The following IKZF4 variants were observed in gnomAD, a reference collection of about 807,000 sequenced individuals.
IKZF4 encodes the protein IKAROS family zinc finger 4, also known as zinc finger protein Eos.
IKZF4 carries 11 observed loss-of-function variants against 47.7 expected under a neutral mutation model. That is an observed-to-expected ratio of 0.23 (90% CI 0.15 to 0.38). The LOEUF is 0.38. Among genes scored for constraint, IKZF4 ranks in the 10% least tolerant of loss-of-function variants. The probability of loss-of-function intolerance (pLI) is 1.00; values close to 1 mark genes in which losing one functional copy is unlikely to be tolerated. For missense variants in IKZF4, 557 were observed against 784.9 expected (o/e 0.71, Z 3.47); for synonymous variants, 298 against 299.4 (o/e 1.00, Z 0.05).
At chr12:56,031,675 T>G (rs751003457) in intron 5 of IKZF4, among the ~76,000 whole-genome samples, 47 of 152,330 alleles carry the variant, frequency 3.1e-4, no homozygotes, top group Non-Finnish European at 5.6e-4. Context: ...TACAATACGT[T>G]GTTTCTCTCC....
At chr12:56,019,250 T>C, upstream of IKZF4, 2 of 393,158 alleles carry the variant, frequency 5.1e-6, no homozygotes, top group Non-Finnish European at 3.5e-6. Flanking sequence ...TTTGATGTGA[T>C]GAGTATCCCT....
intron 5 of IKZF4, among the ~76,000 whole-genome samples, chr12:56,031,643 T>C (rs1894934097): frequency 6.6e-6 from 1 of 152,228 alleles, no homozygotes; most frequent in South Asian, 2.1e-4. Flanking sequence ...CCCTGCTCAA[T>C]AGCAGCAAGA....
At chr12:56,034,050 C>T (rs1417058264) in intron 7 of IKZF4, among the ~76,000 whole-genome samples, 2 of 152,084 alleles carry the variant, frequency 1.3e-5, no homozygotes, top group Non-Finnish European at 2.9e-5. Context: ...CAGACGCCTG[C>T]CACCATGCCC....
Position 56,036,071 on chromosome 12 carries a change from G to A in IKZF4, c.*740G>A, listed in dbSNP as rs1393583025. On this transcript the variant is annotated 3_prime_UTR_variant, in exon 8 of 8. Coordinates refer to ENST00000547167, the MANE Select transcript of IKZF4 (RefSeq NM_022465.4). ...TATGAGTTCTCAAAGCCTACATTCAGGATCTCCCTCTAGGATGTGATAGAT... is the reference window on the plus strand; with the variant it reads ...TATGAGTTCTCAAAGCCTACATTCAAGATCTCCCTCTAGGATGTGATAGAT... The A allele has an allele frequency of 5.2e-5, 8 of 152,514 alleles. No individual in the cohort carries two copies. The Admixed American group carries it at 5.2e-4, about 10-fold the overall frequency. 9.4% of individuals were successfully genotyped at this position (152,514 alleles called of 1,614,324 possible).
chr12:56,027,220 G>A (rs1434723123), intron 4 of IKZF4, among the ~76,000 whole-genome samples, 179 bp downstream of exon 4: 1 of 151,588 alleles, frequency 6.6e-6, no homozygotes, highest in Non-Finnish European at 1.5e-5. Context: ...CAGGGTGGGG[G>A]TGGGTACAGA....
In IKZF4 at chr12:56,023,762, AAAGT is replaced by A; in HGVS notation, c.181+4_181+7del. The stretch of plus-strand genomic sequence containing the variant: ...TTTATAATGGAATCTTTATTTTGTG[AAAGT>A]AAGTATGTGCATAGCTGGGCAATTG... On this transcript the variant is annotated splice_donor_variant and coding_sequence_variant, in exon 2 of 8. Transcript: ENST00000547167. LOFTEE classifies it high-confidence loss of function. 6.2e-7 allele frequency: 1 copy of A among 1,613,514 alleles called. No individual in the cohort carries two copies. Among genetic ancestry groups the A allele is most frequent in the South Asian group, 1.1e-5 (1 of 91,028 alleles).
At chr12:56,023,985 T>C (rs1486258762) in intron 2 of IKZF4, 1 of 821,926 alleles carries the variant, frequency 1.2e-6, no homozygotes, top group African/African-American at 1.9e-5. Flanking sequence ...TTTATATGTA[T>C]CTACATATGT....
At chr12:56,019,801 C>T (rs1296943756), upstream of IKZF4, among the ~76,000 whole-genome samples, 1 of 152,216 alleles carries the variant, frequency 6.6e-6, no homozygotes, top group African/African-American at 2.4e-5. Context: ...ATTTGCTTCA[C>T]CGTGCTATGA....
In IKZF4 at chr12:56,034,822, G is replaced by A. The variant is rs1895471129; in HGVS notation, c.1249G>A (p.Gly417Arg). The change falls in exon 8 of 8, where the codon GGA (glycine) becomes AGA (arginine). Residue 417 changes from glycine (G) to arginine (R), a missense_variant. Around this residue, in one of 6 missense-constraint regions of IKZF4, gnomAD observed 280 missense variants for 314.0 expected, o/e 0.89. Coordinates refer to ENST00000547167, the MANE Select transcript of IKZF4 (RefSeq NM_022465.4). Reference sequence around the variant, plus strand: ...CCTCCCTGGTCGACTGGAGCTTCCAGGATCCCGAGAAGCAGGTGAGGGACC... The same window carrying A: ...CCTCCCTGGTCGACTGGAGCTTCCAAGATCCCGAGAAGCAGGTGAGGGACC... ...QPLPGRLELP[G>R]SREAGEGPED... is the part of the protein sequence containing the mutation. 6.2e-7 allele frequency: 1 copy of A among 1,613,856 alleles called. No individual in the cohort carries two copies. The highest frequency in any genetic ancestry group is 1.3e-5 in the African/African-American group (1 of 74,940).
At chr12:56,025,220 T>A in intron 3 of IKZF4, 62 bp downstream of exon 3, 1 of 1,458,808 alleles carries the variant, frequency 6.9e-7, no homozygotes, top group Non-Finnish European at 9.1e-7. Context: ...TGGCCTTCAA[T>A]TCACCTTCCA....
intron 5 of IKZF4, among the ~76,000 whole-genome samples, chr12:56,031,345 A>G (rs1383216936): frequency 6.6e-6 from 1 of 152,240 alleles, no homozygotes; most frequent in Admixed American, 6.5e-5. Context: ...GTATGAAAAT[A>G]TCATATGTAT....
Position 56,021,521 on chromosome 12 carries a change from C to CGTTTCCAAGGCGGCG in IKZF4, c.30_44dup (p.Phe11_Gly15dup). 6.2e-7 allele frequency: 1 copy of CGTTTCCAAGGCGGCG among 1,608,266 alleles called. No individual in the cohort carries two copies. The highest frequency in any genetic ancestry group is 1.3e-5 in the African/African-American group (1 of 74,768). ...GCATACACCACCCGCACTCCCTCGCCGTTTCCAAGGCGGCGGCCGCGTTCG... is the reference window on the plus strand; with the variant it reads ...GCATACACCACCCGCACTCCCTCGCCGTTTCCAAGGCGGCGGTTTCCAAGGCGGCGGCCGCGTTCG... On this transcript the variant is annotated inframe_insertion, in exon 1 of 8. Transcript: ENST00000547167.
rs959362571 is a variant in IKZF4 at position 56,036,528 on chromosome 12, G to A, written c.*1197G>A. On this transcript the variant is annotated 3_prime_UTR_variant, in exon 8 of 8. Coordinates refer to ENST00000547167, the MANE Select transcript of IKZF4 (RefSeq NM_022465.4). Reference sequence around the variant, plus strand: ...CCCTGTTCTTAGGATCAGTGGCAGGGAGAAACGGGTATCTCTTTTCTCTCT... The same window carrying A: ...CCCTGTTCTTAGGATCAGTGGCAGGAAGAAACGGGTATCTCTTTTCTCTCT... 6.6e-6 allele frequency: 1 copy of A among 152,184 alleles called. No individual in the cohort carries two copies. Among genetic ancestry groups the A allele is most frequent in the Non-Finnish European group, 1.5e-5 (1 of 68,048 alleles). The allele number at this position is 152,184 out of a possible 1,614,324, so 9.4% of individuals were successfully genotyped here.
intron 1 of IKZF4, 122 bp downstream of exon 1, chr12:56,021,702 G>GGGC: frequency 9.1e-7 from 1 of 1,102,296 alleles, no homozygotes; most frequent in Non-Finnish European, 1.3e-6. Flanking sequence ...GTGTGTGTGT[G>GGGC]TGTGTGTGTG....
chr12:56,032,489 C>A, intron 5 of IKZF4, 72 bp from the exon 6 acceptor site: 2 of 1,460,866 alleles, frequency 1.4e-6, no homozygotes, highest in South Asian at 1.3e-5. Flanking sequence ...TATACTTGCT[C>A]TTGGCTGAAT....
In IKZF4 at chr12:56,034,673, C is replaced by A; in HGVS notation, c.1100C>A (p.Pro367His). 1 of 1,614,056 alleles carries A rather than the reference C, an allele frequency of 6.2e-7. No individual in the cohort carries two copies. Residue 367 changes from proline to histidine, a missense_variant, in exon 8 of 8, where the codon CCT (proline) becomes CAT (histidine). By Grantham distance (77) the Pro-to-His change is moderately conservative (BLOSUM62 -2). Coordinates refer to ENST00000547167, the MANE Select transcript of IKZF4 (RefSeq NM_022465.4). The part of the protein sequence containing the change: ...VELVAHHSLE[P>H]GFGSSLAFVG... ...TTGGTGGCACACCACAGCCTAGAGC[C>A]TGGCTTTGGAAGTTCCCTGGCCTTT...
At position 56,021,588 on chromosome 12, in the gene IKZF4, C is replaced by G. The variant is rs776179288; in HGVS notation, c.87+8C>G. The G allele has an allele frequency of 3.8e-6, 6 of 1,596,572 alleles. No homozygotes were observed. Among genetic ancestry groups the G allele is most frequent in the Admixed American group, 1.8e-5 (1 of 56,984 alleles). On this transcript the variant is annotated splice_region_variant and intron_variant, in intron 1 of 7. Transcript: ENST00000547167. Reference sequence around the variant, plus strand: ...CGGCAAGGGAAGGATAATGTAAGTTCAGGCAGAAGGCGGCTAGTGGAGGGA... The same window carrying G: ...CGGCAAGGGAAGGATAATGTAAGTTGAGGCAGAAGGCGGCTAGTGGAGGGA...
Position 56,025,118 on chromosome 12 carries a change from C to A in IKZF4, c.246C>A (p.Thr82=). ...LGAPVGPSVS[T]PNSQHSSPSR... ...CCCCAGTGGGGCCCTCGGTGAGCAC[C>A]CCCAACAGCCAGCACTCTTCTCCTA... Residue 82 remains threonine (T), a synonymous_variant, in exon 3 of 8, where the codon ACC becomes ACA. Coordinates refer to ENST00000547167, the MANE Select transcript of IKZF4 (RefSeq NM_022465.4). 1 of 1,604,758 alleles carries A rather than the reference C, an allele frequency of 6.2e-7. No homozygotes were observed. The highest frequency in any genetic ancestry group is 2.2e-5 in the East Asian group (1 of 44,534).
intron 5 of IKZF4, among the ~76,000 whole-genome samples, chr12:56,028,261 C>T (rs1421554740): frequency 6.6e-6 from 1 of 151,894 alleles, no homozygotes; most frequent in Non-Finnish European, 1.5e-5. Flanking sequence ...CGCGGTGGCT[C>T]ACGCCTGTAA....
Sources: gnomAD v4.1 joint callset for allele counts (sites outside exome capture counted in the v4.1 genomes callset) on GRCh38, gnomAD v4.1.1 for gene constraint, gnomAD v4.1.1 regional missense constraint, MANE v1.5 for transcripts, NCBI Gene and HGNC (gene_info 2026-07-23, HGNC 2026-07-21) for gene names.